SORCS2: variants seen among roughly 807,000 people sequenced by gnomAD.
SORCS2 encodes the protein sortilin related VPS10 domain containing receptor 2, also known as VPS10 domain-containing receptor SorCS2.
SORCS2 carries 100 observed loss-of-function variants against 141.6 expected under a neutral mutation model. The observed-to-expected ratio is 0.71, with a 90% CI of 0.60 to 0.83. The LOEUF (loss-of-function observed/expected upper bound fraction) is 0.83. Ranked by LOEUF, SORCS2 falls within the 40% of genes least tolerant of loss-of-function variation. The pLI is 0.00. For synonymous variants in SORCS2, 789 were observed against 676.9 expected (o/e 1.17, Z -2.57); for missense variants, 1,646 against 1,560.2 (o/e 1.05, Z -0.93).
chr4:7,471,831 G>A (rs537490500), intron 2 of SORCS2, among the ~76,000 whole-genome samples: 118 of 152,358 alleles, frequency 7.7e-4, no homozygotes, highest in African/African-American at 2.6e-3. Context: ...CCCAGGCGGA[G>A]TCACCCACAG....
intron 3 of SORCS2, among the ~76,000 whole-genome samples, chr4:7,567,397 T>G (rs1430438528): frequency 7.1e-6 from 1 of 141,828 alleles, no homozygotes; most frequent in Non-Finnish European, 1.5e-5. Context: ...AGACTTCCCT[T>G]GTTTGTGATA....
chr4:7,230,546 A>T (rs1711785056), intron 1 of SORCS2, among the ~76,000 whole-genome samples: 1 of 140,682 alleles, frequency 7.1e-6, no homozygotes, highest in Admixed American at 7.1e-5. Flanking sequence ...GTGTCTGGGC[A>T]GGAGTAGTGT....
intron 1 of SORCS2, among the ~76,000 whole-genome samples, chr4:7,280,467 C>A (rs1715799895): frequency 6.6e-6 from 1 of 151,954 alleles, no homozygotes; most frequent in Non-Finnish European, 1.5e-5. Flanking sequence ...GCAGGGTGGG[C>A]ATTTGGGGAG....
At chr4:7,342,570 C>T (rs1206690595) in intron 1 of SORCS2, among the ~76,000 whole-genome samples, 7 of 152,134 alleles carry the variant, frequency 4.6e-5, no homozygotes, top group African/African-American at 1.4e-4. Flanking sequence ...GGAGGTGCGG[C>T]GTGAAAGGGA....
intron 1 of SORCS2, among the ~76,000 whole-genome samples, chr4:7,303,916 C>T (rs992728419): frequency 1.3e-5 from 2 of 152,252 alleles, no homozygotes; most frequent in Middle Eastern, 3.2e-3. Context: ...CCTGAGGGGC[C>T]AAGGGGTCAC....
intron 18 of SORCS2, among the ~76,000 whole-genome samples, chr4:7,719,337 C>T (rs1022620513): frequency 6.6e-6 from 1 of 152,124 alleles, no homozygotes; most frequent in East Asian, 1.9e-4. Context: ...GCGCTGTGCA[C>T]GAGCCACTGC....
chr4:7,725,382 G>A (rs1353263198), intron 20 of SORCS2, 95 bp downstream of exon 20: 1 of 1,484,600 alleles, frequency 6.7e-7, no homozygotes, highest in East Asian at 2.5e-5. Flanking sequence ...TTCAGCAGAA[G>A]GAACCAGTGT....
chr4:7,294,210 C>T (rs1042495726), intron 1 of SORCS2, among the ~76,000 whole-genome samples: 4 of 152,148 alleles, frequency 2.6e-5, no homozygotes, highest in Admixed American at 6.5e-5. Flanking sequence ...CATGATGAGG[C>T]AGTGCCGGGG....
chr4:7,693,882 C>G (rs1205471493), intron 11 of SORCS2, among the ~76,000 whole-genome samples: 1 of 152,212 alleles, frequency 6.6e-6, no homozygotes, highest in African/African-American at 2.4e-5. Flanking sequence ...GGCTGAGGGG[C>G]CTGGGTGGGG....
At chr4:7,354,160 GA>G (rs1301484732) in intron 1 of SORCS2, among the ~76,000 whole-genome samples, 1 of 152,130 alleles carries the variant, frequency 6.6e-6, no homozygotes, top group Non-Finnish European at 1.5e-5. Context: ...AATGACCTTG[GA>G]AAGAGTCCCT....
chr4:7,586,150 G>A (rs1716519747), intron 3 of SORCS2, among the ~76,000 whole-genome samples: 2 of 152,048 alleles, frequency 1.3e-5, no homozygotes, highest in South Asian at 4.2e-4. Flanking sequence ...TATGATTTGG[G>A]GCTTGATATC....
At chr4:7,215,593 T>C (rs1728296334) in intron 1 of SORCS2, among the ~76,000 whole-genome samples, 3 of 152,242 alleles carry the variant, frequency 2.0e-5, no homozygotes, top group Admixed American at 2.0e-4. Flanking sequence ...GCTGGGCTCC[T>C]GAGTCTGGTG....
At chr4:7,321,606 C>A (rs1236894744) in intron 1 of SORCS2, among the ~76,000 whole-genome samples, 1 of 152,158 alleles carries the variant, frequency 6.6e-6, no homozygotes, top group Non-Finnish European at 1.5e-5. Context: ...CGGACAGTAC[C>A]AAAGGAGACA....
chr4:7,287,363 A>G (rs913427758), intron 1 of SORCS2, among the ~76,000 whole-genome samples: 2 of 152,202 alleles, frequency 1.3e-5, no homozygotes, highest in South Asian at 2.1e-4. Flanking sequence ...GTGCGTCCCA[A>G]CGGGTTCTCA....
At chr4:7,544,619 T>C (rs1342454054) in intron 3 of SORCS2, among the ~76,000 whole-genome samples, 1 of 152,236 alleles carries the variant, frequency 6.6e-6, no homozygotes, top group African/African-American at 2.4e-5. Context: ...CTGGTCTCTT[T>C]CCTGGCTCCA....
intron 3 of SORCS2, among the ~76,000 whole-genome samples, chr4:7,551,482 C>T (rs533068605): frequency 5.0e-4 from 76 of 152,306 alleles, no homozygotes; most frequent in African/African-American, 1.6e-3. Flanking sequence ...AGCCAGAGGG[C>T]AGTCAAGGGC....
At chr4:7,449,886 G>T (rs891135012) in intron 2 of SORCS2, among the ~76,000 whole-genome samples, 30 of 152,204 alleles carry the variant, frequency 2.0e-4, no homozygotes, top group African/African-American at 7.2e-4. Context: ...AGGTACTTGG[G>T]GCTGGCGGGA....
intron 1 of SORCS2, among the ~76,000 whole-genome samples, chr4:7,278,285 G>T (rs1022321477): frequency 3.3e-5 from 5 of 152,200 alleles, no homozygotes; most frequent in African/African-American, 1.2e-4. Context: ...GAGTCTAAGC[G>T]CATTGCCAGC....
At chr4:7,392,701 A>G (rs1386843076) in intron 1 of SORCS2, among the ~76,000 whole-genome samples, 1 of 151,962 alleles carries the variant, frequency 6.6e-6, no homozygotes, top group Non-Finnish European at 1.5e-5. Flanking sequence ...AGCCCTGGGC[A>G]TCTGCTTGTC....
Sources: allele counts gnomAD v4.1 joint callset (sites outside exome capture counted in the v4.1 genomes callset), GRCh38; gene constraint gnomAD v4.1.1; transcripts MANE v1.5; gene names NCBI Gene and HGNC (gene_info 2026-07-23, HGNC 2026-07-21).